The following SLC16A9 variants were observed in gnomAD, a reference collection of about 807,000 sequenced individuals.
The protein encoded by SLC16A9 is monocarboxylate transporter 9.
Under a neutral mutation model 44.3 loss-of-function variants are expected in SLC16A9, and 26 were observed. That is an observed-to-expected ratio of 0.59 (90% CI 0.43 to 0.81). SLC16A9 has a LOEUF of 0.81. Ranked by LOEUF, SLC16A9 falls within the 40% of genes least tolerant of loss-of-function variation. The pLI is 0.00. For missense variants in SLC16A9, 559 were observed against 595.8 expected, an observed-to-expected ratio of 0.94 and a Z score of 0.64; for synonymous variants, 230 against 225.1, an observed-to-expected ratio of 1.02 and a Z score of -0.19.
At chr10:59,698,580 C>A (rs982374025) in intron 1 of SLC16A9, among the ~76,000 whole-genome samples, 9 of 152,154 alleles carry the variant, frequency 5.9e-5, no homozygotes, top group African/African-American at 2.2e-4. Context: ...GGTTCAACCA[C>A]CCCAAATGCC....
chr10:59,662,301 C>A (rs534891922), intron 4 of SLC16A9, among the ~76,000 whole-genome samples: 28 of 149,384 alleles, frequency 1.9e-4, no homozygotes, highest in Middle Eastern at 3.4e-3. Context: ...AAAAAAAAAA[C>A]CCATCAAAAA....
chr10:59,674,277 C>A (rs752110746), intron 2 of SLC16A9, among the ~76,000 whole-genome samples: 1 of 152,154 alleles, frequency 6.6e-6, no homozygotes. Context: ...ATAACCCATG[C>A]ACTATGCTCT....
chr10:59,663,962 C>T (rs1386153254), intron 4 of SLC16A9, among the ~76,000 whole-genome samples: 1 of 129,200 alleles, frequency 7.7e-6, no homozygotes, highest in Non-Finnish European at 1.6e-5. Flanking sequence ...TATCAGTTTA[C>T]AATTTTAGAA....
intron 1 of SLC16A9, among the ~76,000 whole-genome samples, chr10:59,689,494 T>C (rs1249054970): frequency 6.6e-6 from 1 of 152,200 alleles, no homozygotes; most frequent in Non-Finnish European, 1.5e-5. Flanking sequence ...GGACTCTGAA[T>C]CTTGATTGAA....
At position 59,653,962 on chromosome 10, in the gene SLC16A9, A is replaced by G. The variant is rs1018418980; in HGVS notation, c.1064T>C (p.Val355Ala). 21 of 1,613,994 alleles carry G rather than the reference A, an allele frequency of 1.3e-5. No homozygotes were observed. Among genetic ancestry groups the G allele is most frequent in the Non-Finnish European group, 1.6e-5 (19 of 1,180,032 alleles). ...LISIIGIMTAVGKLLLGILAD... is the reference protein window; with the variant it reads ...LISIIGIMTAAGKLLLGILAD... ...CAGTATCCCTAAAAGCAGTTTACCAACTGCTGTCATAATGCCTATAATGGA... is the reference window on the plus strand; with the variant it reads ...CAGTATCCCTAAAAGCAGTTTACCAGCTGCTGTCATAATGCCTATAATGGA... Residue 355 changes from valine (V) to alanine (A), a missense_variant, in exon 5 of 6, where the codon GTT becomes GCT. Transcript: ENST00000395348.
chr10:59,673,946 T>G (rs956082912), intron 2 of SLC16A9, among the ~76,000 whole-genome samples: 1 of 152,282 alleles, frequency 6.6e-6, no homozygotes, highest in Non-Finnish European at 1.5e-5. Context: ...CCATATACTT[T>G]CAATTATAAA....
chr10:59,674,077 T>C (rs1839808713), intron 2 of SLC16A9, among the ~76,000 whole-genome samples: 1 of 152,286 alleles, frequency 6.6e-6, no homozygotes, highest in South Asian at 2.1e-4. Context: ...ATTGCTCATG[T>C]TCTTGTTCTT....
chr10:59,687,816 G>C (rs1840165766), intron 1 of SLC16A9, among the ~76,000 whole-genome samples: 1 of 152,000 alleles, frequency 6.6e-6, no homozygotes, highest in Admixed American at 6.6e-5. Flanking sequence ...ACAAAAATTA[G>C]ACTGGTGTGG....
chr10:59,681,023 G>T (rs1480227805), intron 2 of SLC16A9, among the ~76,000 whole-genome samples: 1 of 140,116 alleles, frequency 7.1e-6, no homozygotes, highest in African/African-American at 2.7e-5. Context: ...ATGAATCTAG[G>T]CCCCATCATG....
intron 2 of SLC16A9, among the ~76,000 whole-genome samples, chr10:59,675,653 T>C (rs1839842691): frequency 6.6e-6 from 1 of 152,156 alleles, no homozygotes; most frequent in Non-Finnish European, 1.5e-5. Context: ...GACCTTCCTC[T>C]GGGGGCATTT....
chr10:59,673,053 A>C, intron 2 of SLC16A9, 140 bp from the exon 3 acceptor site: 2 of 703,162 alleles, frequency 2.8e-6, no homozygotes, highest in Non-Finnish European at 4.6e-6. Flanking sequence ...GAGGCAGTTC[A>C]CATGAACAAT....
At chr10:59,676,879 C>T (rs370120198) in intron 2 of SLC16A9, among the ~76,000 whole-genome samples, 3 of 147,198 alleles carry the variant, frequency 2.0e-5, no homozygotes, top group African/African-American at 2.5e-5. Context: ...GCTGGGATCA[C>T]GCCACTGTGC....
At chr10:59,655,469 G>A (rs571137278) in intron 4 of SLC16A9, among the ~76,000 whole-genome samples, 8 of 152,240 alleles carry the variant, frequency 5.3e-5, no homozygotes, top group African/African-American at 1.9e-4. Flanking sequence ...TGGCTTGATA[G>A]TTCAAATCCA....
intron 2 of SLC16A9, among the ~76,000 whole-genome samples, chr10:59,676,279 A>G (rs753534673): frequency 5.9e-5 from 9 of 152,224 alleles, no homozygotes; most frequent in Non-Finnish European, 1.3e-4. Context: ...TTCAGCAATA[A>G]CAAGACAAAA....
At chr10:59,676,513 T>A (rs755803852) in intron 2 of SLC16A9, among the ~76,000 whole-genome samples, 2 of 152,194 alleles carry the variant, frequency 1.3e-5, no homozygotes, top group Non-Finnish European at 2.9e-5. Flanking sequence ...AAAGTTAGTT[T>A]ACCTGTGACA....
At chr10:59,672,971 A>G (rs1299668084) in intron 2 of SLC16A9, 58 bp from the exon 3 acceptor site, 1 of 1,514,438 alleles carries the variant, frequency 6.6e-7, no homozygotes, top group Middle Eastern at 1.8e-4. Context: ...TCATAAGTTC[A>G]AAATGATTCT....
chr10:59,681,672 GTATATGTATATGTATATGTAT>G lies in SLC16A9; in HGVS notation c.196+2403_196+2423del, dbSNP rs1840007723. 5.8e-5 allele frequency among the ~76,000 whole-genome samples: 2 copies of G among 34,704 alleles called. 1 individual carries two copies. Among genetic ancestry groups the G allele is most frequent in the African/African-American group, 2.4e-4 (2 of 8,342 alleles). 22.8% of individuals were successfully genotyped at this position (34,704 alleles called of 152,430 possible). On this transcript the variant is annotated intron_variant, in intron 2 of 5. Coordinates refer to ENST00000395348, the MANE Select transcript of SLC16A9 (RefSeq NM_194298.3). ...GTATGTATATGTATATGATGTATAT[GTATATGTATATGTATATGTAT>G]ATATATATGTATATGTATATGTATA...
intron 1 of SLC16A9, among the ~76,000 whole-genome samples, chr10:59,696,218 C>T (rs1350185159): frequency 2.0e-5 from 3 of 152,232 alleles, no homozygotes; most frequent in Non-Finnish European, 4.4e-5. Context: ...ATTCTCCTGC[C>T]TCAGCCTGCC....
intron 4 of SLC16A9, among the ~76,000 whole-genome samples, chr10:59,661,519 C>A (rs1387614789): frequency 6.6e-6 from 1 of 152,162 alleles, no homozygotes; most frequent in African/African-American, 2.4e-5. Flanking sequence ...AATGAAAAAA[C>A]CTTCCATGCT....
Sources: allele counts gnomAD v4.1 joint callset (sites outside exome capture counted in the v4.1 genomes callset), GRCh38; gene constraint gnomAD v4.1.1; transcripts MANE v1.5; gene names NCBI Gene and HGNC (gene_info 2026-07-23, HGNC 2026-07-21).